MINDY4: variants seen among roughly 807,000 people sequenced by gnomAD.
MINDY4 encodes the protein probable ubiquitin carboxyl-terminal hydrolase MINDY-4.
A neutral mutation model predicts 87.0 loss-of-function variants in MINDY4; 68 were observed. The observed-to-expected ratio is 0.78, with a 90% CI of 0.64 to 0.96. The LOEUF (loss-of-function observed/expected upper bound fraction) is 0.96, where lower values mean the gene tolerates loss of function less well. MINDY4 is among the 40% of genes least tolerant of loss of function. The pLI is 0.00. For missense variants in MINDY4, 919 were observed against 928.2 expected, an observed-to-expected ratio of 0.99 and a Z score of 0.13; for synonymous variants, 379 against 363.2, an observed-to-expected ratio of 1.04 and a Z score of -0.50.
At chr7:30,860,302 A>T (rs1404017765) in intron 13 of MINDY4, among the ~76,000 whole-genome samples, 7 of 151,878 alleles carry the variant, frequency 4.6e-5, no homozygotes, top group Admixed American at 3.3e-4. Flanking sequence ...TCTGCTGTGG[A>T]TTCGGGGGAG....
chr7:30,860,758 G>GTT (rs1279933670), intron 13 of MINDY4, among the ~76,000 whole-genome samples: 1 of 152,116 alleles, frequency 6.6e-6, no homozygotes, highest in Non-Finnish European at 1.5e-5. Flanking sequence ...GGGGCTTCAG[G>GTT]GTTCCATGCC....
In MINDY4 at chr7:30,778,440, G is replaced by T. The variant is rs1015017308; in HGVS notation, c.72G>T (p.Lys24Asn). 18 of 1,614,096 alleles carry T rather than the reference G, an allele frequency of 1.1e-5. No homozygotes were observed. The highest frequency in any genetic ancestry group is 2.7e-5 in the African/African-American group (2 of 74,944). ...CAGCTTTCTTCCCTCAGGGCTTAAAGAAGACATGTGTGACCATGGACCAGG... is the reference window on the plus strand; with the variant it reads ...CAGCTTTCTTCCCTCAGGGCTTAAATAAGACATGTGTGACCATGGACCAGG... ...VREFLSRKGL[K>N]KTCVTMDQER... Residue 24 changes from lysine to asparagine, a missense_variant, in exon 2 of 18, where the codon AAG becomes AAT. Lys to Asn is a moderately conservative substitution (Grantham distance 94, BLOSUM62 0). Coordinates refer to ENST00000265299, the MANE Select transcript of MINDY4 (RefSeq NM_032222.3).
intron 13 of MINDY4, among the ~76,000 whole-genome samples, chr7:30,864,377 G>A (rs1789864369): frequency 6.6e-6 from 1 of 152,306 alleles, no homozygotes; most frequent in Non-Finnish European, 1.5e-5. Flanking sequence ...GAAAGACAGT[G>A]ACAGAAGCTC....
chr7:30,883,854 G>A (rs1460101570), intron 17 of MINDY4, among the ~76,000 whole-genome samples: 1 of 152,092 alleles, frequency 6.6e-6, no homozygotes, highest in Non-Finnish European at 1.5e-5. Flanking sequence ...CTGGGTTCCA[G>A]CCCTGGTGTT....
At chr7:30,832,035 C>T (rs904621026) in intron 6 of MINDY4, among the ~76,000 whole-genome samples, 6 of 152,166 alleles carry the variant, frequency 3.9e-5, no homozygotes, top group African/African-American at 7.2e-5. Flanking sequence ...CGTCTGGGCC[C>T]GAGGCCTGCT....
intron 14 of MINDY4, 73 bp from the exon 15 acceptor site, chr7:30,875,422 C>T: frequency 6.5e-7 from 1 of 1,538,116 alleles, no homozygotes; most frequent in Non-Finnish European, 9.0e-7. Context: ...TTTTGTCTTT[C>T]CCCAGTCTCC....
chr7:30,885,655 A>C (rs1043484810), intron 17 of MINDY4, among the ~76,000 whole-genome samples: 1 of 152,022 alleles, frequency 6.6e-6, no homozygotes, highest in African/African-American at 2.4e-5. Context: ...AGTGATGCTG[A>C]TGCTGCTGGT....
chr7:30,837,375 G>A (rs1788889897), intron 7 of MINDY4, among the ~76,000 whole-genome samples: 1 of 152,120 alleles, frequency 6.6e-6, no homozygotes, highest in African/African-American at 2.4e-5. Flanking sequence ...TCCTCTTCTG[G>A]CCTTTCACCA....
intron 5 of MINDY4, among the ~76,000 whole-genome samples, chr7:30,802,858 C>T (rs1787698396): frequency 6.6e-6 from 1 of 152,026 alleles, no homozygotes; most frequent in East Asian, 1.9e-4. Context: ...ACCAAACCAA[C>T]CAACCAACCC....
At chr7:30,877,943 G>A (rs1355958774) in intron 15 of MINDY4, among the ~76,000 whole-genome samples, 2 of 141,802 alleles carry the variant, frequency 1.4e-5, no homozygotes, top group African/African-American at 5.1e-5. Context: ...GCCTTACAAA[G>A]TGCTAGGGTT....
chr7:30,806,432 A>G (rs774709284), intron 5 of MINDY4, among the ~76,000 whole-genome samples: 13 of 152,254 alleles, frequency 8.5e-5, no homozygotes, highest in Non-Finnish European at 1.6e-4. Context: ...GGTTATTTTA[A>G]TAAATATTAG....
At chr7:30,788,713 T>C (rs1787230058) in intron 4 of MINDY4, among the ~76,000 whole-genome samples, 1 of 152,202 alleles carries the variant, frequency 6.6e-6, no homozygotes, top group Non-Finnish European at 1.5e-5. Context: ...CCATAGTTTG[T>C]CTGTCAGTGG....
chr7:30,801,688 G>C (rs756521064), intron 5 of MINDY4, among the ~76,000 whole-genome samples: 2 of 152,150 alleles, frequency 1.3e-5, no homozygotes, highest in Non-Finnish European at 2.9e-5. Context: ...AAATGGGGTT[G>C]ATGACCCCTA....
At chr7:30,799,277 CT>C (rs1787581627) in intron 5 of MINDY4, among the ~76,000 whole-genome samples, 1 of 152,158 alleles carries the variant, frequency 6.6e-6, no homozygotes, top group Non-Finnish European at 1.5e-5. Flanking sequence ...CAGTTGACCT[CT>C]CTAAGGCTCA....
intron 9 of MINDY4, among the ~76,000 whole-genome samples, chr7:30,842,265 C>G (rs568737745): frequency 1.3e-5 from 2 of 152,312 alleles, no homozygotes; most frequent in South Asian, 4.1e-4. Context: ...TCCGGTCGAT[C>G]CTTCGTGGCT....
intron 13 of MINDY4, among the ~76,000 whole-genome samples, chr7:30,861,431 A>G (rs574028535): frequency 6.6e-6 from 1 of 152,318 alleles, no homozygotes; most frequent in African/African-American, 2.4e-5. Flanking sequence ...TCAGAGGAGG[A>G]AGCAAGGCTG....
intron 13 of MINDY4, among the ~76,000 whole-genome samples, chr7:30,863,089 A>G (rs924933846): frequency 6.6e-6 from 1 of 151,904 alleles, no homozygotes; most frequent in Non-Finnish European, 1.5e-5. Context: ...CTGCATACAC[A>G]GCTTAAAAAC....
intron 13 of MINDY4, 110 bp downstream of exon 13, chr7:30,859,434 T>A (rs1360144485): frequency 7.8e-6 from 8 of 1,030,228 alleles, no homozygotes; most frequent in African/African-American, 1.6e-5. Flanking sequence ...GCTCTGTGAG[T>A]ATTGTGGAAA....
At position 30,782,071 on chromosome 7, in the gene MINDY4, C is replaced by A; in HGVS notation, c.278C>A (p.Thr93Asn). The A allele has an allele frequency of 1.9e-6, 3 of 1,614,074 alleles. No individual in the cohort carries two copies. Among genetic ancestry groups the A allele is most frequent in the East Asian group, 2.2e-5 (1 of 44,868 alleles). ...ACGGCTAACAATTTCACTCAAGATA[C>A]CCCAATCCCTGCACTCTCAGTTCCA... ...GNTANNFTQD[T>N]PIPALSVPKK... Residue 93 changes from threonine to asparagine, a missense_variant, in exon 3 of 18, where the codon ACC (threonine) becomes AAC (asparagine). By Grantham distance (65) the Thr-to-Asn change is moderately conservative. Transcript: ENST00000265299.
Sources: allele counts gnomAD v4.1 joint callset (sites outside exome capture counted in the v4.1 genomes callset), GRCh38; gene constraint gnomAD v4.1.1; transcripts MANE v1.5; gene names NCBI Gene and HGNC (gene_info 2026-07-23, HGNC 2026-07-21).